Variants in LRRC8A observed in about 807,000 individuals in gnomAD.
LRRC8A encodes volume-regulated anion channel subunit LRRC8A.
In LRRC8A, 24 loss-of-function variants were observed where a neutral mutation model predicts 52.5. That is an observed-to-expected ratio of 0.46 (90% CI 0.33 to 0.64). The LOEUF (loss-of-function observed/expected upper bound fraction) is 0.64, where lower values mean the gene tolerates loss of function less well. Ranked by LOEUF, LRRC8A falls within the 30% of genes least tolerant of loss-of-function variation. The probability of loss-of-function intolerance (pLI) is 0.02; values close to 1 mark genes in which losing one functional copy is unlikely to be tolerated. For synonymous variants in LRRC8A, 492 were observed against 494.2 expected (o/e 1.00, Z 0.06); for missense variants, 677 against 1,094.7 (o/e 0.62, Z 5.38).
At chr9:128,903,482 G>A (rs1336661480) in intron 2 of LRRC8A, among the ~76,000 whole-genome samples, 10 of 148,772 alleles carry the variant, frequency 6.7e-5, no homozygotes, top group African/African-American at 2.2e-4. Flanking sequence ...GCGTGATCTC[G>A]GCTCACTGCA....
chr9:128,882,756 T>A (rs532422993), intron 1 of LRRC8A: 3 of 398,954 alleles, frequency 7.5e-6, no homozygotes, highest in South Asian at 2.5e-4. Flanking sequence ...GGGGGCAGGA[T>A]CCCCGGCTAG....
chr9:128,908,506 C>T lies in LRRC8A; in HGVS notation c.1342C>T (p.Leu448=), dbSNP rs761845403. Residue 448 remains leucine, a synonymous_variant, in exon 3 of 4, where the codon CTG becomes TTG. Coordinates refer to ENST00000372600, the MANE Select transcript of LRRC8A (RefSeq NM_019594.4). ...TGACACTGTGTTTGACCTGGTGGAGCTGGAGGTCCTCAAGCTGGAGCTGAT... is the reference window on the plus strand; with the variant it reads ...TGACACTGTGTTTGACCTGGTGGAGTTGGAGGTCCTCAAGCTGGAGCTGAT... ...IPDTVFDLVE[L]EVLKLELIPD... is the part of the protein sequence containing the mutation. 3 of 1,612,994 alleles carry T rather than the reference C, an allele frequency of 1.9e-6. No homozygotes were observed. The highest frequency in any genetic ancestry group is 2.5e-6 in the Non-Finnish European group (3 of 1,179,978).
At chr9:128,890,920 G>C (rs557526885) in intron 2 of LRRC8A, among the ~76,000 whole-genome samples, 3 of 152,094 alleles carry the variant, frequency 2.0e-5, no homozygotes, top group Non-Finnish European at 2.9e-5. Flanking sequence ...GGAGGCTGAG[G>C]TGGAGGATTG....
Position 128,882,876 on chromosome 9 carries a change from G to A in LRRC8A, c.-116+626G>A, listed in dbSNP as rs1335363418. 4 of 398,328 alleles carry A rather than the reference G, an allele frequency of 1.0e-5. 1 individual carries two copies. In the East Asian group the frequency reaches 1.4e-4, roughly 14 times the overall value. 24.7% of individuals were successfully genotyped at this position (398,328 alleles called of 1,614,324 possible). A position where few individuals can be genotyped will look rare whatever the true frequency, so the allele number is the denominator to read the frequency against. ...TCAGGTGGGCCCGAGGGCGAGGCGAGATCCAGTGAGGTCCAGGCCTGGTGC... is the reference window on the plus strand; with the variant it reads ...TCAGGTGGGCCCGAGGGCGAGGCGAAATCCAGTGAGGTCCAGGCCTGGTGC... On this transcript the variant is annotated intron_variant, in intron 1 of 3. Transcript: ENST00000372600.
rs569910176 is a variant in LRRC8A, at chr9:128,904,347, C to T, written c.-8-2810C>T. On this transcript the variant is annotated intron_variant, in intron 2 of 3. Coordinates refer to ENST00000372600, the MANE Select transcript of LRRC8A (RefSeq NM_019594.4). ...CAGCCTGGCCAACGTGGCGAAATTC[C>T]GTTTCTACTAAAAATACAAAAATTA... 1.4e-4 allele frequency among the ~76,000 whole-genome samples: 22 copies of T among 152,092 alleles called. 1 individual carries two copies. In the South Asian group the frequency reaches 4.6e-3, roughly 32 times the overall value.
At chr9:128,903,439 A>G (rs1322498237) in intron 2 of LRRC8A, among the ~76,000 whole-genome samples, 2 of 129,906 alleles carry the variant, frequency 1.5e-5, no homozygotes, top group African/African-American at 3.0e-5. Context: ...TTGAGTCGGC[A>G]CCTCGCTCTG....
chr9:128,882,198 G>T lies in LRRC8A; in HGVS notation c.-168G>T. ...CAGCGCTGCGGCCGGCGGCGGGACG[G>T]AGCGGCCGGGGCCTGGGGCTGCCTG... On this transcript the variant is annotated 5_prime_UTR_variant, in exon 1 of 4. Coordinates refer to ENST00000372600, the MANE Select transcript of LRRC8A (RefSeq NM_019594.4). 1 of 153,212 alleles carries T rather than the reference G, an allele frequency of 6.5e-6. No homozygotes were observed. The highest frequency in any genetic ancestry group is 1.9e-4 in the South Asian group (1 of 5,322). The allele number at this position is 153,212 out of a possible 1,614,324, so 9.5% of individuals were successfully genotyped here.
intron 2 of LRRC8A, among the ~76,000 whole-genome samples, chr9:128,893,213 T>C (rs2130955925): frequency 6.6e-6 from 1 of 151,942 alleles, no homozygotes; most frequent in Admixed American, 6.5e-5. Context: ...GTTCTGCGAG[T>C]CCTGGGGGGT....
Position 128,916,095 on chromosome 9 carries a change from G to T in LRRC8A, c.2158-1G>T. ...TCTCACCCCTGCTTTTTTCCCTCCAGATCGAGACGCTCCCTCCGGAGCTCT... is the reference window on the plus strand; with the variant it reads ...TCTCACCCCTGCTTTTTTCCCTCCATATCGAGACGCTCCCTCCGGAGCTCT... On this transcript the variant is annotated splice_acceptor_variant, in intron 3 of 3. Coordinates refer to ENST00000372600, the MANE Select transcript of LRRC8A (RefSeq NM_019594.4). LOFTEE classifies it high-confidence loss of function. This position sits in a 1 kb window ranked among gnomAD's most constrained non-coding sequence, Gnocchi z 6.1. 6.2e-7 allele frequency: 1 copy of T among 1,600,298 alleles called. No individual in the cohort carries two copies. The highest frequency in any genetic ancestry group is 1.1e-5 in the South Asian group (1 of 90,232).
intron 1 of LRRC8A, among the ~76,000 whole-genome samples, chr9:128,883,628 C>T (rs1319794142): frequency 3.3e-5 from 5 of 152,172 alleles, no homozygotes; most frequent in African/African-American, 7.2e-5. Flanking sequence ...GGTCTCAGGG[C>T]TTTGGCATGG....
Position 128,908,436 on chromosome 9 carries a change from G to T in LRRC8A, c.1272G>T (p.Ala424=), listed in dbSNP as rs745809785. Residue 424 remains alanine (A), a synonymous_variant, in exon 3 of 4, where the codon GCG becomes GCT. Transcript: ENST00000372600. The stretch of plus-strand genomic sequence containing the variant: ...TCCGGCAGCGGCTCACCAAGAACGC[G>T]CAGGACAAGCTGGAGCTGCACCTGT... ...DKLRQRLTKN[A]QDKLELHLFM... is the part of the protein sequence containing the mutation. 2 of 1,613,424 alleles carry T rather than the reference G, an allele frequency of 1.2e-6. No individual in the cohort carries two copies. Among genetic ancestry groups the T allele is most frequent in the Non-Finnish European group, 1.7e-6 (2 of 1,180,028 alleles).
chr9:128,902,158 C>T lies in LRRC8A; in HGVS notation c.-8-4999C>T, dbSNP rs1840052572. ...CCCTCCTCCACTCCCCAGACACACTCAAACTGGAGAGAGGAACCTGAAGCA... is the reference window on the plus strand; with the variant it reads ...CCCTCCTCCACTCCCCAGACACACTTAAACTGGAGAGAGGAACCTGAAGCA... On this transcript the variant is annotated intron_variant, in intron 2 of 3. Transcript: ENST00000372600. The surrounding 1 kb of genome is among the most constrained non-coding windows in gnomAD (Gnocchi z 4.1). Among the ~76,000 whole-genome samples, 1 of 152,216 alleles carries T rather than the reference C, an allele frequency of 6.6e-6. No homozygotes were observed. The highest frequency in any genetic ancestry group is 6.5e-5 in the Admixed American group (1 of 15,288).
chr9:128,906,092 C>T (rs562544013), intron 2 of LRRC8A, among the ~76,000 whole-genome samples: 13 of 152,248 alleles, frequency 8.5e-5, no homozygotes, highest in South Asian at 8.3e-4. Flanking sequence ...TTTGGTCTTC[C>T]GAGTGTTCCC....
chr9:128,889,385 T>G (rs1839514731), intron 2 of LRRC8A, among the ~76,000 whole-genome samples: 2 of 152,094 alleles, frequency 1.3e-5, no homozygotes, highest in Non-Finnish European at 2.9e-5. Context: ...GACGCCATTC[T>G]TTCAGCCTTA....
intron 1 of LRRC8A, chr9:128,882,997 T>C (rs1253758320): frequency 7.8e-6 from 3 of 385,206 alleles, no homozygotes; most frequent in Non-Finnish European, 1.4e-5. Flanking sequence ...CTGCTTTCGC[T>C]GACTGCTTCT....
chr9:128,891,230 C>T (rs997769476), intron 2 of LRRC8A, among the ~76,000 whole-genome samples: 20 of 152,064 alleles, frequency 1.3e-4, no homozygotes, highest in African/African-American at 4.8e-4. Context: ...CGAGATTGTG[C>T]CACTGCACTT....
rs1226676905 is a variant in LRRC8A, at chr9:128,908,223, T to G, written c.1059T>G (p.Phe353Leu). 6.2e-7 allele frequency: 1 copy of G among 1,614,126 alleles called. No homozygotes were observed. ...MLRRSLKKYSFESIREESSYS... is the reference protein window; with the variant it reads ...MLRRSLKKYSLESIREESSYS... The stretch of plus-strand genomic sequence containing the variant: ...GGCGCTCCCTCAAGAAGTACTCGTT[T>G]GAGTCGATCCGTGAGGAGAGCAGCT... The change falls in exon 3 of 4, where the codon TTT (phenylalanine) becomes TTG (leucine). Residue 353 changes from phenylalanine (F) to leucine (L), a missense_variant. This residue lies in a region of LRRC8A where 422 missense variants were observed against 741.5 expected (regional missense o/e 0.57). Transcript: ENST00000372600.
In LRRC8A at chr9:128,916,231, C is replaced by A; in HGVS notation, c.2293C>A (p.Arg765=). 6.2e-7 allele frequency: 1 copy of A among 1,613,704 alleles called. No homozygotes were observed. ...GACGCAGATCGAGCTGCGGGGCAACCGGCTGGAGTGCCTGCCTGTGGAGCT... is the reference window on the plus strand; with the variant it reads ...GACGCAGATCGAGCTGCGGGGCAACAGGCTGGAGTGCCTGCCTGTGGAGCT... ...NLTQIELRGN[R]LECLPVELGE... Residue 765 remains arginine (R), a synonymous_variant, in exon 4 of 4, where the codon CGG becomes AGG. Transcript: ENST00000372600. This position sits in a 1 kb window ranked among gnomAD's most constrained non-coding sequence, Gnocchi z 6.1.
In LRRC8A at chr9:128,902,616, C is replaced by CA. The variant is rs1840070177; in HGVS notation, c.-8-4540dup. Among the ~76,000 whole-genome samples the CA allele has an allele frequency of 1.3e-5, 2 of 152,214 alleles. No individual in the cohort carries two copies. The highest frequency in any genetic ancestry group is 4.8e-5 in the African/African-American group (2 of 41,460). On this transcript the variant is annotated intron_variant, in intron 2 of 3. Transcript: ENST00000372600. The surrounding 1 kb of genome is among the most constrained non-coding windows in gnomAD (Gnocchi z 4.1). The stretch of plus-strand genomic sequence containing the variant: ...TTGGGGGCAGGCAGGCTGCTGCATG[C>CA]ACCGGGCTCCTCTCCTCCCTCTTCT...
Sources: gnomAD v4.1 joint callset for allele counts (sites outside exome capture counted in the v4.1 genomes callset) on GRCh38, gnomAD v4.1.1 for gene constraint, gnomAD v4.1.1 regional missense constraint, Gnocchi (gnomAD v3.1) non-coding constraint, MANE v1.5 for transcripts, NCBI Gene and HGNC (gene_info 2026-07-23, HGNC 2026-07-21) for gene names.